SP4: variants seen among roughly 807,000 people sequenced by gnomAD.
SP4 encodes transcription factor Sp4.
Under a neutral mutation model 72.8 loss-of-function variants are expected in SP4, and 19 were observed. That is an observed-to-expected ratio of 0.26 (90% CI 0.18 to 0.38). The LOEUF (loss-of-function observed/expected upper bound fraction) is 0.38, where lower values mean the gene tolerates loss of function less well. Among genes scored for constraint, SP4 ranks in the 10% least tolerant of loss-of-function variants. The pLI is 1.00. For synonymous variants in SP4, 395 were observed against 333.1 expected (o/e 1.19, Z -2.02); for missense variants, 1,008 against 926.3 (o/e 1.09, Z -1.14).
In SP4 at chr7:21,428,224, G is replaced by A. The variant is rs1412210841; in HGVS notation, c.-28G>A. ...CACCCACCTCTATCCCAGTGTCTCC[G>A]TCTGAGGGTTTGTCCTGTTAATGCG... is the stretch of plus-strand genomic sequence containing the variant. On this transcript the variant is annotated 5_prime_UTR_variant, in exon 1 of 6. Transcript: ENST00000222584. 5.5e-6 allele frequency: 6 copies of A among 1,083,734 alleles called. No homozygotes were observed. The African/African-American group carries it at 5.9e-5, about 11-fold the overall frequency. 67.1% of individuals were successfully genotyped at this position (1,083,734 alleles called of 1,614,324 possible).
At chr7:21,507,345 T>C (rs1264434297) in intron 5 of SP4, among the ~76,000 whole-genome samples, 2 of 152,224 alleles carry the variant, frequency 1.3e-5, no homozygotes, top group Non-Finnish European at 2.9e-5. Context: ...CAGTGTTCTT[T>C]TCTTAAATTT....
intron 5 of SP4, among the ~76,000 whole-genome samples, chr7:21,489,331 G>T (rs570521901): frequency 2.6e-5 from 4 of 151,848 alleles, no homozygotes; most frequent in East Asian, 3.9e-4. Context: ...ACAGAATTTT[G>T]TTGTTGTTGT....
chr7:21,478,886 A>G (rs1410828911), intron 4 of SP4, among the ~76,000 whole-genome samples: 3 of 152,114 alleles, frequency 2.0e-5, no homozygotes, highest in Non-Finnish European at 4.4e-5. Context: ...CCTGACCGGC[A>G]TGGAGAAACC....
chr7:21,462,182 A>C (rs1330699630), intron 3 of SP4, among the ~76,000 whole-genome samples: 1 of 151,902 alleles, frequency 6.6e-6, no homozygotes, highest in Non-Finnish European at 1.5e-5. Flanking sequence ...TGCTGCCACC[A>C]GGCCCAGCTA....
chr7:21,492,134 A>G (rs1784995170), intron 5 of SP4, among the ~76,000 whole-genome samples: 1 of 152,194 alleles, frequency 6.6e-6, no homozygotes, highest in South Asian at 2.1e-4. Context: ...CATATGGCCA[A>G]TATAACAGAA....
At position 21,459,261 on chromosome 7, in the gene SP4, A is replaced by G. The variant is rs569875050; in HGVS notation, c.1679-17818A>G. Among the ~76,000 whole-genome samples, 9 of 152,286 alleles carry G rather than the reference A, an allele frequency of 5.9e-5. No individual in the cohort carries two copies. In the East Asian group the frequency reaches 1.5e-3, roughly 26 times the overall value. On this transcript the variant is annotated intron_variant, in intron 3 of 5. Transcript: ENST00000222584. ...CAGCTTCCTGGGTAGCTGGTACTACAGGCATGTACTACCACGCCCGGCTAA... is the reference window on the plus strand; with the variant it reads ...CAGCTTCCTGGGTAGCTGGTACTACGGGCATGTACTACCACGCCCGGCTAA...
At chr7:21,460,381 CG>C (rs1454594409) in intron 3 of SP4, among the ~76,000 whole-genome samples, 1 of 151,678 alleles carries the variant, frequency 6.6e-6, no homozygotes, top group African/African-American at 2.4e-5. Flanking sequence ...AGTCTGGAGT[CG>C]TTTTTTCCTC....
intron 3 of SP4, among the ~76,000 whole-genome samples, chr7:21,442,803 T>A (rs969380137): frequency 2.0e-5 from 3 of 152,246 alleles, no homozygotes; most frequent in African/African-American, 7.2e-5. Context: ...TGGCACGATC[T>A]TGGCTCACTG....
chr7:21,502,600 T>TA (rs1242317547), intron 5 of SP4, among the ~76,000 whole-genome samples: 3 of 152,154 alleles, frequency 2.0e-5, no homozygotes, highest in Admixed American at 1.3e-4. Context: ...GCATAGTAGT[T>TA]ACTCTTGTTG....
chr7:21,498,887 C>A (rs1781792816), intron 5 of SP4, among the ~76,000 whole-genome samples: 1 of 151,864 alleles, frequency 6.6e-6, no homozygotes, highest in South Asian at 2.1e-4. Flanking sequence ...AGATCGAGAC[C>A]ATCCTGGCTA....
intron 3 of SP4, among the ~76,000 whole-genome samples, chr7:21,463,145 G>GGTGA (rs1784049446): frequency 6.6e-6 from 1 of 151,168 alleles, no homozygotes; most frequent in South Asian, 2.1e-4. Context: ...ATTTTAAAAA[G>GGTGA]GTGAGTCAAT....
intron 3 of SP4, among the ~76,000 whole-genome samples, chr7:21,463,044 A>G (rs898867514): frequency 6.6e-6 from 1 of 152,086 alleles, no homozygotes; most frequent in Non-Finnish European, 1.5e-5. Context: ...GCAAGAGGCT[A>G]TCATATTGGA....
chr7:21,465,447 A>G (rs538526902), intron 3 of SP4, among the ~76,000 whole-genome samples: 2 of 152,374 alleles, frequency 1.3e-5, no homozygotes, highest in African/African-American at 2.4e-5. Flanking sequence ...AATAGCAGCT[A>G]TGTAATCTTG....
At position 21,482,126 on chromosome 7, in the gene SP4, T is replaced by G. The variant is rs752041903; in HGVS notation, c.2107+3T>G. 2 of 1,608,716 alleles carry G rather than the reference T, an allele frequency of 1.2e-6. No homozygotes were observed. Among genetic ancestry groups the G allele is most frequent in the South Asian group, 2.2e-5 (2 of 90,528 alleles). ...GAGACATAGAAGAACCCATACAGGT[T>G]AGTTGATTTTAGGACTTGTACTTTT... On this transcript the variant is annotated splice_donor_region_variant and intron_variant, in intron 5 of 5. Coordinates refer to ENST00000222584, the MANE Select transcript of SP4 (RefSeq NM_003112.5).
intron 3 of SP4, among the ~76,000 whole-genome samples, chr7:21,449,848 T>G (rs1356849587): frequency 6.6e-6 from 1 of 151,728 alleles, no homozygotes; most frequent in Non-Finnish European, 1.5e-5. Flanking sequence ...GGGAAAAAAA[T>G]TATAGGCAAG....
intron 3 of SP4, among the ~76,000 whole-genome samples, chr7:21,457,396 C>T (rs1783800973): frequency 6.6e-6 from 1 of 152,128 alleles, no homozygotes; most frequent in African/African-American, 2.4e-5. Flanking sequence ...ATCATCTTCG[C>T]TTCCTCCAGT....
chr7:21,503,626 G>C (rs574866968), intron 5 of SP4, among the ~76,000 whole-genome samples: 96 of 152,204 alleles, frequency 6.3e-4, no homozygotes, highest in African/African-American at 2.2e-3. Context: ...ATATTATTTT[G>C]ACCACATTCC....
rs183651772 is a variant in SP4, at chr7:21,448,107, A to G, written c.1678+17264A>G. 3.3e-5 allele frequency among the ~76,000 whole-genome samples: 5 copies of G among 152,336 alleles called. No individual in the cohort carries two copies. In the East Asian group the frequency reaches 5.8e-4, roughly 18 times the overall value. On this transcript the variant is annotated intron_variant, in intron 3 of 5. Coordinates refer to ENST00000222584, the MANE Select transcript of SP4 (RefSeq NM_003112.5). ...ATAAAATACAGGAATTTAAAATATA[A>G]TATTTGCTTGGATTTCATTTTGTAG...
chr7:21,439,534 A>G (rs1370959486), intron 3 of SP4, among the ~76,000 whole-genome samples: 1 of 150,760 alleles, frequency 6.6e-6, no homozygotes, highest in South Asian at 2.1e-4. Flanking sequence ...TTTTCCATGA[A>G]CAGTCCTGCT....
Sources: allele counts gnomAD v4.1 joint callset (sites outside exome capture counted in the v4.1 genomes callset), GRCh38; gene constraint gnomAD v4.1.1; transcripts MANE v1.5; gene names NCBI Gene and HGNC (gene_info 2026-07-23, HGNC 2026-07-21).